Variants in NRF1 observed in about 807,000 individuals in gnomAD.
NRF1 encodes the protein nuclear respiratory factor 1.
In NRF1, 5 loss-of-function variants were observed where a neutral mutation model predicts 58.5. That is an observed-to-expected ratio of 0.09 (90% CI 0.04 to 0.18). The LOEUF is 0.18. Among genes scored for constraint, NRF1 ranks in the 10% least tolerant of loss-of-function variants. The probability of loss-of-function intolerance (pLI) is 1.00; values close to 1 mark genes in which losing one functional copy is unlikely to be tolerated. For missense variants in NRF1, 288 were observed against 657.7 expected, an observed-to-expected ratio of 0.44 and a Z score of 6.15; for synonymous variants, 224 against 246.7, an observed-to-expected ratio of 0.91 and a Z score of 0.86.
intron 1 of NRF1, chr7:129,630,265 T>A (rs1194913118): frequency 6.6e-6 from 1 of 152,214 alleles, no homozygotes; most frequent in Non-Finnish European, 1.5e-5. Flanking sequence ...GTGGATGATA[T>A]ACACTTGGTA....
Position 129,673,585 on chromosome 7 carries a change from C to T in NRF1, c.338+2042C>T, listed in dbSNP as rs543000577. Among the ~76,000 whole-genome samples the T allele has an allele frequency of 2.1e-3, 320 of 151,692 alleles. 3 individuals carry two copies. Among genetic ancestry groups the T allele is most frequent in the African/African-American group, 6.9e-3 (287 of 41,450 alleles). On this transcript the variant is annotated intron_variant, in intron 3 of 10. Transcript: ENST00000393232. ...ACAAAAAATTAGCCGGGCGCAGTGGCGGGCGCCTGTAGTCCCAGCTACTCG... is the reference window on the plus strand; with the variant it reads ...ACAAAAAATTAGCCGGGCGCAGTGGTGGGCGCCTGTAGTCCCAGCTACTCG...
intron 9 of NRF1, among the ~76,000 whole-genome samples, chr7:129,725,808 TAGTA>T (rs1401112197): frequency 6.6e-6 from 1 of 152,182 alleles, no homozygotes; most frequent in Non-Finnish European, 1.5e-5. Flanking sequence ...CAAGACAAAT[TAGTA>T]AGAAGAGGAA....
In NRF1 at chr7:129,652,574, TCTTC is replaced by T. The variant is rs542715170; in HGVS notation, c.-6-4768_-6-4765del. On this transcript the variant is annotated intron_variant, in intron 1 of 10. Coordinates refer to ENST00000393232, the MANE Select transcript of NRF1 (RefSeq NM_005011.5). ...TTATTCTCCTGTAAGATTAGTCACT[TCTTC>T]CTTTTTTAAAATTTATTTTTATTTA... 1.5e-3 allele frequency among the ~76,000 whole-genome samples: 236 copies of T among 152,294 alleles called. 4 individuals are homozygous for T. Among genetic ancestry groups the T allele is most frequent in the Admixed American group, 0.015 (231 of 15,294 alleles).
intron 5 of NRF1, among the ~76,000 whole-genome samples, chr7:129,692,584 G>A (rs1035995589): frequency 1.3e-5 from 2 of 152,070 alleles, no homozygotes; most frequent in Non-Finnish European, 2.9e-5. Context: ...ATGAATGAAT[G>A]AATAAATTTA....
intron 5 of NRF1, among the ~76,000 whole-genome samples, chr7:129,699,103 TTTG>T (rs1802760976): frequency 6.6e-6 from 1 of 152,218 alleles, no homozygotes; most frequent in Admixed American, 6.5e-5. Context: ...TGGGGCAATC[TTTG>T]TTGCTTTAAT....
At position 129,690,465 on chromosome 7, in the gene NRF1, C is replaced by T; in HGVS notation, c.525C>T (p.Ala175=). Residue 175 remains alanine (A), a synonymous_variant, in exon 5 of 11, where the codon GCC becomes GCT. Coordinates refer to ENST00000393232, the MANE Select transcript of NRF1 (RefSeq NM_005011.5). ...TGGAGTCTGCTCTGGCAGAACACGC[C>T]CCTGCGCCACAGGAGGTTAACTCAG... is the stretch of plus-strand genomic sequence containing the variant. ...EDLESALAEH[A]PAPQEVNSEL... The T allele has an allele frequency of 6.2e-7, 1 of 1,614,136 alleles. No individual in the cohort carries two copies. Among genetic ancestry groups the T allele is most frequent in the South Asian group, 1.1e-5 (1 of 91,072 alleles).
intron 4 of NRF1, among the ~76,000 whole-genome samples, chr7:129,685,115 T>A (rs79084710): frequency 0.034 from 5,117 of 152,248 alleles, 279 homozygotes; most frequent in African/African-American, 0.12. Flanking sequence ...TGTAGAAAAT[T>A]TAAAAAAAAA....
chr7:129,746,585 C>T (rs1327440832), intron 10 of NRF1, among the ~76,000 whole-genome samples: 1 of 152,158 alleles, frequency 6.6e-6, no homozygotes, highest in Non-Finnish European at 1.5e-5. Flanking sequence ...TCCTGCCTGT[C>T]ACCCCTAGAA....
intron 4 of NRF1, among the ~76,000 whole-genome samples, chr7:129,689,902 A>G (rs2151092426): frequency 6.6e-6 from 1 of 152,296 alleles, no homozygotes; most frequent in South Asian, 2.1e-4. Context: ...AGTCTCTTGT[A>G]TGCTTGAATC....
At chr7:129,635,618 A>G (rs967778675) in intron 1 of NRF1, among the ~76,000 whole-genome samples, 1 of 152,038 alleles carries the variant, frequency 6.6e-6, no homozygotes. Context: ...TTCCTAATAA[A>G]CACTTTTGGA....
intron 10 of NRF1, among the ~76,000 whole-genome samples, chr7:129,746,384 A>T (rs1464850014): frequency 6.6e-6 from 1 of 152,064 alleles, no homozygotes; most frequent in Non-Finnish European, 1.5e-5. Context: ...AGTCCTTGGT[A>T]TTCTCAGCCT....
intron 1 of NRF1, among the ~76,000 whole-genome samples, chr7:129,629,365 G>A (rs1451490480): frequency 6.7e-6 from 1 of 148,188 alleles, no homozygotes; most frequent in Admixed American, 6.9e-5. Flanking sequence ...TGCAACCTCC[G>A]CCTCCCGGGT....
intron 5 of NRF1, among the ~76,000 whole-genome samples, chr7:129,693,685 A>G (rs1562972704): frequency 1.3e-5 from 2 of 152,164 alleles, no homozygotes; most frequent in Non-Finnish European, 1.5e-5. Flanking sequence ...GTCTTTTTAC[A>G]GTTTCTATTA....
intron 3 of NRF1, among the ~76,000 whole-genome samples, chr7:129,672,780 G>T: frequency 6.6e-6 from 1 of 152,158 alleles, no homozygotes; most frequent in East Asian, 1.9e-4. Context: ...TTTGGACATG[G>T]TAAGTTTGTG....
At chr7:129,665,539 C>T (rs763135025) in intron 2 of NRF1, among the ~76,000 whole-genome samples, 20 of 152,184 alleles carry the variant, frequency 1.3e-4, no homozygotes, top group African/African-American at 2.2e-4. Context: ...TGCAACTAAA[C>T]GAAATCTTCA....
In NRF1 at chr7:129,727,240, G is replaced by A; in HGVS notation, c.1224-1G>A. On this transcript the variant is annotated splice_acceptor_variant, in intron 9 of 10. Transcript: ENST00000393232. LOFTEE classifies it high-confidence loss of function. The stretch of plus-strand genomic sequence containing the variant: ...CCTCTCTCCTGTTCCTGTGCCCGCA[G>A]CGAAGCTGCCGCCCATGCTGTCGCC... 6.3e-7 allele frequency: 1 copy of A among 1,590,028 alleles called. No homozygotes were observed. Among genetic ancestry groups the A allele is most frequent in the Non-Finnish European group, 8.5e-7 (1 of 1,173,454 alleles).
At chr7:129,683,222 C>G (rs1189187371) in intron 4 of NRF1, among the ~76,000 whole-genome samples, 2 of 150,166 alleles carry the variant, frequency 1.3e-5, no homozygotes, top group African/African-American at 4.9e-5. Flanking sequence ...ATTTTCTGAT[C>G]ATAGTACAGA....
intron 1 of NRF1, among the ~76,000 whole-genome samples, chr7:129,649,032 G>A (rs977446671): frequency 6.6e-6 from 1 of 151,168 alleles, no homozygotes; most frequent in South Asian, 2.1e-4. Context: ...TAGGTCAAAT[G>A]GATTTTTCTT....
chr7:129,728,454 A>G (rs1226480215), intron 10 of NRF1, among the ~76,000 whole-genome samples: 2 of 133,964 alleles, frequency 1.5e-5, no homozygotes, highest in Non-Finnish European at 3.1e-5. Context: ...GGGTGACAGA[A>G]TGAGACTCCG....
Sources: allele counts gnomAD v4.1 joint callset (sites outside exome capture counted in the v4.1 genomes callset), GRCh38; gene constraint gnomAD v4.1.1; transcripts MANE v1.5; gene names NCBI Gene and HGNC (gene_info 2026-07-23, HGNC 2026-07-21).